GPR158: variants seen among roughly 807,000 people sequenced by gnomAD.
GPR158 encodes the protein metabotropic glycine receptor.
In GPR158, 30 loss-of-function variants were observed where a neutral mutation model predicts 78.2. That is an observed-to-expected ratio of 0.38 (90% confidence interval 0.29 to 0.52). GPR158 has a LOEUF of 0.52. Ranked by LOEUF, GPR158 falls within the 20% of genes least tolerant of loss-of-function variation. The pLI, the probability that GPR158 is intolerant of heterozygous loss-of-function variation, is 0.83. For synonymous variants in GPR158, 581 were observed against 591.1 expected, an observed-to-expected ratio of 0.98 and a Z score of 0.25; for missense variants, 1,463 against 1,523.5, an observed-to-expected ratio of 0.96 and a Z score of 0.66.
chr10:25,412,585 T>A, intron 4 of GPR158, 112 bp downstream of exon 4: 1 of 698,020 alleles, frequency 1.4e-6, no homozygotes, highest in East Asian at 2.5e-5. Flanking sequence ...GCAGTCTTTC[T>A]ACAATATGAT....
intron 10 of GPR158, 35 bp from the exon 11 acceptor site, chr10:25,597,737 T>C: frequency 1.4e-6 from 2 of 1,475,680 alleles, no homozygotes; most frequent in Non-Finnish European, 1.8e-6. Context: ...AACACTAAAT[T>C]CTACACTTCT....
intron 2 of GPR158, among the ~76,000 whole-genome samples, chr10:25,370,274 G>T (rs1263249242): frequency 6.8e-6 from 1 of 147,662 alleles, no homozygotes. Context: ...TGTCAATTAT[G>T]GATCTTTCCT....
chr10:25,511,868 C>A (rs1836090182), intron 5 of GPR158, among the ~76,000 whole-genome samples: 1 of 152,120 alleles, frequency 6.6e-6, no homozygotes, highest in Non-Finnish European at 1.5e-5. Context: ...TTTCTGGGTT[C>A]TCTATTCTGT....
chr10:25,472,737 G>T (rs368989003), intron 5 of GPR158, among the ~76,000 whole-genome samples: 1 of 152,166 alleles, frequency 6.6e-6, no homozygotes, highest in Non-Finnish European at 1.5e-5. Context: ...GTGAATGGGA[G>T]TTCACTCATG....
chr10:25,391,087 A>T (rs1834290706), intron 2 of GPR158, among the ~76,000 whole-genome samples: 1 of 152,238 alleles, frequency 6.6e-6, no homozygotes, highest in South Asian at 2.1e-4. Context: ...ACAGAAGTCA[A>T]GAATTGAGGT....
At chr10:25,348,794 A>G (rs1855412986) in intron 2 of GPR158, among the ~76,000 whole-genome samples, 1 of 152,026 alleles carries the variant, frequency 6.6e-6, no homozygotes, top group African/African-American at 2.4e-5. Context: ...TGGCATGTGA[A>G]AAAGAGGAGG....
chr10:25,298,768 A>G lies in GPR158; in HGVS notation c.1008+77611A>G, dbSNP rs192324354. ...TTACTGTCTCAGTTTCAAGTCTTCT[A>G]CATTTCCCTGCCTAGGCAGTTGAGC... On this transcript the variant is annotated intron_variant, in intron 2 of 10. Transcript: ENST00000376351. 1.9e-4 allele frequency among the ~76,000 whole-genome samples: 29 copies of G among 152,302 alleles called. No individual in the cohort carries two copies. The East Asian group carries it at 5.4e-3, about 28-fold the overall frequency.
chr10:25,318,412 A>G (rs1854893240), intron 2 of GPR158, among the ~76,000 whole-genome samples: 2 of 151,802 alleles, frequency 1.3e-5, no homozygotes, highest in African/African-American at 4.8e-5. Flanking sequence ...TTCTTTCTCT[A>G]GTACTTTCAC....
intron 2 of GPR158, among the ~76,000 whole-genome samples, chr10:25,292,626 G>A (rs1010671020): frequency 1.2e-4 from 18 of 151,982 alleles, no homozygotes; most frequent in African/African-American, 4.1e-4. Flanking sequence ...AATGACCTAT[G>A]AGAAGAGCAA....
Position 25,598,128 on chromosome 10 carries a change from A to T in GPR158, c.2502A>T (p.Leu834=), listed in dbSNP as rs972663104. The change falls in exon 11 of 11, where the codon CTA becomes CTT. Residue 834 remains leucine (L), a synonymous_variant. Transcript: ENST00000376351. ...ACCAAACGGAAGAGTCCAGTAGCCT[A>T]CCCACAGAAAGCCAAGAGGAGGAGA... ...VRDQTEESSS[L]PTESQEEETT... 1.2e-6 allele frequency: 2 copies of T among 1,614,010 alleles called. No individual in the cohort carries two copies. The highest frequency in any genetic ancestry group is 1.3e-5 in the African/African-American group (1 of 74,934).
chr10:25,223,674 C>A (rs1853332691), intron 2 of GPR158, among the ~76,000 whole-genome samples: 1 of 152,142 alleles, frequency 6.6e-6, no homozygotes, highest in South Asian at 2.1e-4. Context: ...TTTGTAACAA[C>A]CCCTCTGTTA....
In GPR158 at chr10:25,490,688, A is replaced by G. The variant is rs866923841; in HGVS notation, c.1404+23969A>G. 6.6e-4 allele frequency among the ~76,000 whole-genome samples: 91 copies of G among 138,474 alleles called. No homozygotes were observed. The Middle Eastern group carries it at 0.015, about 22-fold the overall frequency. The allele number at this position is 138,474 out of a possible 152,430, so 90.8% of individuals were successfully genotyped here. Reference sequence around the variant, plus strand: ...GTGCCACATTTTCTTAATCCAGTCTATCATTGTTGGACATTTGGGTTGCTT... The same window carrying G: ...GTGCCACATTTTCTTAATCCAGTCTGTCATTGTTGGACATTTGGGTTGCTT... On this transcript the variant is annotated intron_variant, in intron 5 of 10. Transcript: ENST00000376351.
chr10:25,297,710 G>A (rs970899483), intron 2 of GPR158, among the ~76,000 whole-genome samples: 1 of 152,198 alleles, frequency 6.6e-6, no homozygotes, highest in Non-Finnish European at 1.5e-5. Flanking sequence ...TCAGTGGCTT[G>A]TGAACCATGA....
intron 5 of GPR158, among the ~76,000 whole-genome samples, chr10:25,542,013 G>A (rs981510711): frequency 2.7e-5 from 4 of 147,706 alleles, no homozygotes; most frequent in Non-Finnish European, 3.0e-5. Context: ...TTATAAAGTC[G>A]TTAAAGCCTC....
At chr10:25,381,777 A>G (rs1834158419) in intron 2 of GPR158, among the ~76,000 whole-genome samples, 1 of 152,180 alleles carries the variant, frequency 6.6e-6, no homozygotes, top group Admixed American at 6.5e-5. Flanking sequence ...TTTGTTTAGC[A>G]TTTTTTATTT....
intron 5 of GPR158, among the ~76,000 whole-genome samples, chr10:25,542,001 A>C (rs1454729740): frequency 6.8e-6 from 1 of 147,838 alleles, no homozygotes; most frequent in South Asian, 2.1e-4. Context: ...ATAAATTATA[A>C]ATTATAAAGT....
chr10:25,540,194 GC>G, intron 5 of GPR158, among the ~76,000 whole-genome samples: 1 of 151,840 alleles, frequency 6.6e-6, no homozygotes, highest in African/African-American at 2.4e-5. Context: ...ATGAAAAAAT[GC>G]TCATCATCAC....
intron 2 of GPR158, among the ~76,000 whole-genome samples, chr10:25,268,889 T>C (rs777911137): frequency 2.0e-5 from 3 of 152,208 alleles, no homozygotes; most frequent in Non-Finnish European, 2.9e-5. Flanking sequence ...AAGTATTTCA[T>C]GGTGTTGCTT....
intron 4 of GPR158, among the ~76,000 whole-genome samples, chr10:25,450,380 G>A (rs746167253): frequency 1.6e-5 from 1 of 63,932 alleles, no homozygotes; most frequent in Admixed American, 1.4e-4. Context: ...CCTTTTTCAC[G>A]TTTTTTTTTT....
Sources: allele counts gnomAD v4.1 joint callset (sites outside exome capture counted in the v4.1 genomes callset), GRCh38; gene constraint gnomAD v4.1.1; transcripts MANE v1.5; gene names NCBI Gene and HGNC (gene_info 2026-07-23, HGNC 2026-07-21).